COL3A1: variants seen among roughly 807,000 people sequenced by gnomAD.
COL3A1 encodes collagen type III alpha 1 chain, also known as collagen alpha-1(III) chain.
A neutral mutation model predicts 200.9 loss-of-function variants in COL3A1; 46 were observed. That is an observed-to-expected ratio of 0.23 (90% CI 0.18 to 0.29). The LOEUF is 0.29. COL3A1 is among the 10% of genes least tolerant of loss of function. The probability of loss-of-function intolerance (pLI) is 1.00; values close to 1 mark genes in which losing one functional copy is unlikely to be tolerated. For synonymous variants in COL3A1, 650 were observed against 628.0 expected (o/e 1.03, Z -0.52); for missense variants, 1,367 against 1,917.6 (o/e 0.71, Z 5.36).
chr2:188,978,925 G>C (rs1035509914), intron 1 of COL3A1, among the ~76,000 whole-genome samples: 6 of 151,912 alleles, frequency 3.9e-5, no homozygotes, highest in African/African-American at 1.4e-4. Context: ...TTAACCACCA[G>C]AGTTTCAGTC....
chr2:189,009,134 G>C lies in COL3A1; in HGVS notation c.3736G>C (p.Glu1246Gln). 1 of 1,614,186 alleles carries C rather than the reference G, an allele frequency of 6.2e-7. No homozygotes were observed. Among genetic ancestry groups the C allele is most frequent in the South Asian group, 1.1e-5 (1 of 91,084 alleles). The change falls in exon 48 of 51, where the codon GAA becomes CAA. Residue 1246 changes from glutamate to glutamine, a missense_variant. Physicochemically the swap from Glu to Gln is conservative, Grantham distance 29. This residue lies in a region of COL3A1 where 846 missense variants were observed against 1,147.9 expected (regional missense o/e 0.74). Coordinates refer to ENST00000304636, the MANE Select transcript of COL3A1 (RefSeq NM_000090.4). ...TSLKSVNGQI[E>Q]SLISPDGSRK... ...ACTCAAGTCTGTTAATGGACAAATA[G>C]AAAGCCTCATTAGTCCTGATGGTTC...
rs1409637250 is a variant in COL3A1 at position 189,007,623 on chromosome 2, T to C, written c.3363+16T>C. The stretch of plus-strand genomic sequence containing the variant: ...AGGTTCTCCAGTAAGTGCATTCATT[T>C]TGTTGGAAAATCCCTTCAATGTATA... On this transcript the variant is annotated intron_variant, in intron 45 of 50. Transcript: ENST00000304636. The C allele has an allele frequency of 6.3e-7, 1 of 1,597,740 alleles. No individual in the cohort carries two copies. Among genetic ancestry groups the C allele is most frequent in the Non-Finnish European group, 8.6e-7 (1 of 1,168,576 alleles).
At chr2:188,997,881 C>A in intron 27 of COL3A1, 128 bp downstream of exon 27, 1 of 850,652 alleles carries the variant, frequency 1.2e-6, no homozygotes, top group Non-Finnish European at 2.0e-6. Context: ...AAATTTTAGG[C>A]AATGTTAATA....
Position 188,985,237 on chromosome 2 carries a change from A to G in COL3A1, c.323A>G (p.Lys108Arg). Reference protein sequence around the residue: ...PPNGQGPQGPKGDPGPPGIPG... With the variant: ...PPNGQGPQGPRGDPGPPGIPG... ...AATGGTCAAGGACCTCAAGGCCCCA[A>G]GGGAGATCCAGTAAGTAAACATTCT... is the stretch of plus-strand genomic sequence containing the variant. The change falls in exon 3 of 51, where the codon AAG (lysine) becomes AGG (arginine). Residue 108 changes from lysine to arginine, a missense_variant. Physicochemically the swap from Lys to Arg is conservative, Grantham distance 26. Around this residue, in one of 5 missense-constraint regions of COL3A1, gnomAD observed 462 missense variants for 681.4 expected, o/e 0.68. Transcript: ENST00000304636. 6.2e-7 allele frequency: 1 copy of G among 1,610,622 alleles called. No individual in the cohort carries two copies.
intron 6 of COL3A1, 34 bp from the exon 7 acceptor site, chr2:188,988,556 T>A: frequency 6.9e-7 from 1 of 1,455,528 alleles, no homozygotes; most frequent in South Asian, 1.2e-5. Flanking sequence ...AAGATTTTGT[T>A]ACTTTAAAAT....
Position 189,009,039 on chromosome 2 carries a change from G to C in COL3A1, c.3641G>C (p.Gly1214Ala). The change falls in exon 48 of 51, where the codon GGC becomes GCC. Residue 1214 changes from glycine to alanine, a missense_variant. By Grantham distance (60) the Gly-to-Ala change is moderately conservative (BLOSUM62 0). Coordinates refer to ENST00000304636, the MANE Select transcript of COL3A1 (RefSeq NM_000090.4). ...GCTGGGATTGGAGGTGAAAAAGCTG[G>C]CGGTTTTGCCCCGTATTATGGAGAT... ...AIAGIGGEKA[G>A]GFAPYYGDEP... The C allele has an allele frequency of 6.2e-7, 1 of 1,614,126 alleles. No homozygotes were observed. The highest frequency in any genetic ancestry group is 1.3e-5 in the African/African-American group (1 of 75,020).
rs768710601 is a variant in COL3A1, at chr2:189,002,365, T to G, written c.2445+14T>G. On this transcript the variant is annotated intron_variant, in intron 35 of 50. Transcript: ENST00000304636. ...CCTGGTGCTCCTGTAAGTGTGAATA[T>G]TTATACATACATGTCCCATAGCCCA... is the stretch of plus-strand genomic sequence containing the variant. The G allele has an allele frequency of 2.5e-6, 4 of 1,611,238 alleles. No homozygotes were observed. The Admixed American group carries it at 6.7e-5, about 27-fold the overall frequency.
chr2:188,993,518 A>AGTTTCATGCTTACTCCATGAAAGCATG, intron 16 of COL3A1, 59 bp downstream of exon 16: 1 of 1,307,090 alleles, frequency 7.7e-7, no homozygotes, highest in Non-Finnish European at 1.1e-6. Context: ...ATGAAAGCAT[A>AGTTTCATGCTTACTCCATGAAAGCATG]GTTTCATGCT....
intron 1 of COL3A1, among the ~76,000 whole-genome samples, chr2:188,981,136 A>G (rs1413112007): frequency 6.6e-6 from 1 of 151,518 alleles, no homozygotes; most frequent in Non-Finnish European, 1.5e-5. Context: ...GCATGATTTA[A>G]CATGAAGAAT....
intron 32 of COL3A1, 35 bp downstream of exon 32, chr2:188,999,930 C>T: frequency 1.3e-6 from 2 of 1,565,334 alleles, no homozygotes; most frequent in Non-Finnish European, 1.7e-6. Flanking sequence ...CAGGCCTTAT[C>T]TATATGTCAT....
rs3765161 is a variant in COL3A1 at position 189,003,684 on chromosome 2, C to T, written c.2608-50C>T. 74,386 of 1,573,600 alleles carry T rather than the reference C, an allele frequency of 0.047. 5,249 individuals carry two copies. The highest frequency in any genetic ancestry group is 0.34 in the African/African-American group (24,973 of 74,046). ...CACATTATACTTTTTGTTTGTTGTA[C>T]AGTTATTTGTTCTACTTTTGAAATT... On this transcript the variant is annotated intron_variant, in intron 37 of 50. Coordinates refer to ENST00000304636, the MANE Select transcript of COL3A1 (RefSeq NM_000090.4).
chr2:189,002,756 A>G (rs943320956), intron 35 of COL3A1, among the ~76,000 whole-genome samples, 199 bp from the exon 36 acceptor site: 3 of 152,176 alleles, frequency 2.0e-5, no homozygotes, highest in Non-Finnish European at 4.4e-5. Flanking sequence ...TGCACAGTTT[A>G]TGCTTTCTTG....
At chr2:188,997,670 A>G in intron 26 of COL3A1, 30 bp from the exon 27 acceptor site, 1 of 1,602,232 alleles carries the variant, frequency 6.2e-7, no homozygotes, top group Non-Finnish European at 8.6e-7. Context: ...AAGGATGTTT[A>G]CAACAGAGTG....
In COL3A1 at chr2:189,010,315, G is replaced by C. The variant is rs759225204; in HGVS notation, c.3961G>C (p.Ala1321Pro). The change falls in exon 49 of 51, where the codon GCT becomes CCT. Residue 1321 changes from alanine (A) to proline (P), a missense_variant. Ala to Pro is a conservative substitution (Grantham distance 27). Around this residue, in one of 5 missense-constraint regions of COL3A1, gnomAD observed 846 missense variants for 1,147.9 expected, o/e 0.74. Coordinates refer to ENST00000304636, the MANE Select transcript of COL3A1 (RefSeq NM_000090.4). Reference sequence around the variant, plus strand: ...GAAACACTGGTGGACAGATTCTAGTGCTGAGAAGAAACACGTTTGGTTTGG... The same window carrying C: ...GAAACACTGGTGGACAGATTCTAGTCCTGAGAAGAAACACGTTTGGTTTGG... ...PRKHWWTDSS[A>P]EKKHVWFGES... 1 of 1,614,038 alleles carries C rather than the reference G, an allele frequency of 6.2e-7. No individual in the cohort carries two copies. The highest frequency in any genetic ancestry group is 1.1e-5 in the South Asian group (1 of 91,088).
chr2:188,990,304 T>G lies in COL3A1; in HGVS notation c.745-3T>G. 1 of 1,612,284 alleles carries G rather than the reference T, an allele frequency of 6.2e-7. No individual in the cohort carries two copies. The highest frequency in any genetic ancestry group is 1.7e-5 in the Admixed American group (1 of 59,904). On this transcript the variant is annotated splice_region_variant and splice_polypyrimidine_tract_variant and intron_variant, in intron 9 of 50. Transcript: ENST00000304636. ...TTAATATTTTTTCATTCATTATTTT[T>G]AGGGTATCAAAGGTCCAGCTGGGAT... is the stretch of plus-strand genomic sequence containing the variant.
chr2:188,998,792 A>T, intron 29 of COL3A1, 74 bp downstream of exon 29: 1 of 1,352,850 alleles, frequency 7.4e-7, no homozygotes, highest in Non-Finnish European at 1.1e-6. Context: ...TTTTTAGTAT[A>T]TCAAGCCAAA....
intron 21 of COL3A1, 25 bp downstream of exon 21, chr2:188,995,124 C>G: frequency 1.9e-6 from 3 of 1,610,020 alleles, no homozygotes; most frequent in Non-Finnish European, 2.6e-6. Flanking sequence ...TTTCTATGTT[C>G]CTAAATGCTA....
Position 188,994,445 on chromosome 2 carries a change from C to T in COL3A1, c.1294-96C>T. 6.4e-7 allele frequency: 1 copy of T among 1,568,566 alleles called. No individual in the cohort carries two copies. The highest frequency in any genetic ancestry group is 8.8e-7 in the Non-Finnish European group (1 of 1,139,990). ...CAGTTGAATTTATATTGACTTCACT[C>T]TTGTCTTATAACTTATAACTGAATT... On this transcript the variant is annotated intron_variant, in intron 18 of 50. Transcript: ENST00000304636. This position sits in a 1 kb window ranked among gnomAD's most constrained non-coding sequence, Gnocchi z 4.5.
intron 1 of COL3A1, among the ~76,000 whole-genome samples, chr2:188,979,116 T>C (rs1208497814): frequency 6.6e-6 from 1 of 151,926 alleles, no homozygotes; most frequent in Admixed American, 6.6e-5. Flanking sequence ...AGAGAAAAGA[T>C]CCAGAAATTA....
Sources: allele counts gnomAD v4.1 joint callset (sites outside exome capture counted in the v4.1 genomes callset), GRCh38; gene constraint gnomAD v4.1.1; regional missense constraint gnomAD v4.1.1; non-coding constraint Gnocchi (gnomAD v3.1); transcripts MANE v1.5; gene names NCBI Gene and HGNC (gene_info 2026-07-23, HGNC 2026-07-21).